PERP: variants seen among roughly 807,000 people sequenced by gnomAD.
PERP encodes p53 apoptosis effector related to PMP-22.
Under a neutral mutation model 20.3 loss-of-function variants are expected in PERP, and 11 were observed. That is an observed-to-expected ratio of 0.54 (90% CI 0.34 to 0.90). The LOEUF (loss-of-function observed/expected upper bound fraction) is 0.90, where lower values mean the gene tolerates loss of function less well. PERP is among the 40% of genes least tolerant of loss of function. PERP has a pLI of 0.02. For missense variants in PERP, 224 were observed against 249.4 expected (o/e 0.90, Z 0.69); for synonymous variants, 101 against 102.0 (o/e 0.99, Z 0.06).
Position 138,097,801 on chromosome 6 carries a change from T to G in PERP, c.215-1307A>C, listed in dbSNP as rs530192473. On this transcript the variant is annotated intron_variant, in intron 1 of 2. Coordinates refer to ENST00000421351, the MANE Select transcript of PERP (RefSeq NM_022121.5). ...CTTTTAAAGTGTATAATTCAGTGGT[T>G]TTTACTATATTCACAGTGTTGTACA... 2.6e-5 allele frequency among the ~76,000 whole-genome samples: 4 copies of G among 152,266 alleles called. No homozygotes were observed. The East Asian group carries it at 7.7e-4, about 29-fold the overall frequency.
chr6:138,103,094 G>A (rs138870001), intron 1 of PERP, among the ~76,000 whole-genome samples: 1,214 of 116,672 alleles, frequency 0.01, 20 homozygotes, highest in African/African-American at 0.037. Flanking sequence ...CCGAGACTCC[G>A]TCTCAAAAAA....
chr6:138,107,119 G>T lies in PERP; in HGVS notation c.214+8C>A. On this transcript the variant is annotated splice_region_variant and intron_variant, in intron 1 of 2. Transcript: ENST00000421351. The surrounding 1 kb of genome is among the most constrained non-coding windows in gnomAD (Gnocchi z 4.8). ...GAGGCGGCGACGGCGGCGGCGGCGG[G>T]CACTCACCGTACTCCATGAGGCTCT... 1 of 1,588,096 alleles carries T rather than the reference G, an allele frequency of 6.3e-7. No homozygotes were observed. Among genetic ancestry groups the T allele is most frequent in the African/African-American group, 1.4e-5 (1 of 74,044 alleles).
intron 1 of PERP, among the ~76,000 whole-genome samples, chr6:138,102,087 T>C (rs1775782754): frequency 1.3e-5 from 2 of 152,214 alleles, no homozygotes; most frequent in South Asian, 4.1e-4. Flanking sequence ...GGCAGTTAAA[T>C]GGCTCAACAG....
chr6:138,093,606 T>C (rs1418594345), intron 2 of PERP, among the ~76,000 whole-genome samples: 1 of 152,208 alleles, frequency 6.6e-6, no homozygotes, highest in Admixed American at 6.5e-5. Context: ...AAAGCAATGC[T>C]TTTCTATGTT....
At chr6:138,104,213 A>G (rs1490284231) in intron 1 of PERP, among the ~76,000 whole-genome samples, 1 of 152,230 alleles carries the variant, frequency 6.6e-6, no homozygotes, top group African/African-American at 2.4e-5. Flanking sequence ...TAAATTTCAC[A>G]TTTTATTTAT....
intron 1 of PERP, among the ~76,000 whole-genome samples, chr6:138,097,351 A>T (rs945601239): frequency 1.3e-5 from 2 of 152,220 alleles, no homozygotes; most frequent in Non-Finnish European, 2.9e-5. Context: ...ACCTGCCCTC[A>T]TTGCTAAAAC....
chr6:138,095,413 C>T (rs1775665545), intron 2 of PERP, among the ~76,000 whole-genome samples: 2 of 152,146 alleles, frequency 1.3e-5, no homozygotes. Context: ...AGGGAACCGG[C>T]GCAAAGTGGC....
chr6:138,100,720 G>C (rs1775758588), intron 1 of PERP, among the ~76,000 whole-genome samples: 1 of 152,150 alleles, frequency 6.6e-6, no homozygotes, highest in Non-Finnish European at 1.5e-5. Context: ...ATTTTCTTAA[G>C]GGAAGACCAA....
intron 1 of PERP, among the ~76,000 whole-genome samples, chr6:138,097,904 C>A (rs1431133001): frequency 6.6e-6 from 1 of 152,180 alleles, no homozygotes; most frequent in African/African-American, 2.4e-5. Context: ...CACCCTCCAT[C>A]CCCTCTTCCT....
intron 1 of PERP, among the ~76,000 whole-genome samples, chr6:138,102,900 C>T (rs1775794230): frequency 6.6e-6 from 1 of 151,840 alleles, no homozygotes; most frequent in Non-Finnish European, 1.5e-5. Context: ...GAGATCCAGA[C>T]CATCCTGGTT....
intron 1 of PERP, among the ~76,000 whole-genome samples, chr6:138,099,021 T>A (rs1407329828): frequency 6.6e-6 from 1 of 152,246 alleles, no homozygotes; most frequent in Non-Finnish European, 1.5e-5. Flanking sequence ...AGATAACTTT[T>A]AAGAGAAGAG....
intron 2 of PERP, among the ~76,000 whole-genome samples, chr6:138,095,988 A>T (rs1562323827): frequency 6.6e-6 from 1 of 152,162 alleles, no homozygotes; most frequent in Admixed American, 6.5e-5. Context: ...AGGTCCCCTC[A>T]GCAGGGGGCT....
chr6:138,102,935 T>G (rs181757768), intron 1 of PERP, among the ~76,000 whole-genome samples: 8 of 151,688 alleles, frequency 5.3e-5, no homozygotes, highest in African/African-American at 1.9e-4. Context: ...CCGTCTCTAC[T>G]AAAAATACAA....
Position 138,106,903 on chromosome 6 carries a change from C to CTTTTT in PERP, c.214+219_214+223dup, listed in dbSNP as rs577977770. On this transcript the variant is annotated intron_variant, in intron 1 of 2. Coordinates refer to ENST00000421351, the MANE Select transcript of PERP (RefSeq NM_022121.5). The stretch of plus-strand genomic sequence containing the variant: ...AAAACTATACAGTTTGAACTACGGC[C>CTTTTT]TTTTTTTTTTTTCTGTTTCTGAGCT... Among the ~76,000 whole-genome samples, 143 of 134,360 alleles carry CTTTTT rather than the reference C, an allele frequency of 1.1e-3. 4 individuals are homozygous for CTTTTT. Among genetic ancestry groups the CTTTTT allele is most frequent in the Middle Eastern group, 3.8e-3 (1 of 264 alleles). The allele number at this position is 134,360 out of a possible 152,430, so 88.1% of individuals were successfully genotyped here. A position where few individuals can be genotyped will look rare whatever the true frequency, so the allele number is the denominator to read the frequency against.
In PERP at chr6:138,091,991, T is replaced by C. The variant is rs566932687; in HGVS notation, c.*51A>G. The C allele has an allele frequency of 3.0e-5, 47 of 1,546,670 alleles. No individual in the cohort carries two copies. The African/African-American group carries it at 3.9e-4, about 13-fold the overall frequency. ...AGTCGCCTGGAGAAACAGTTTCTTCTTCTGGAGTCCATCTCAGCAGCAGCG... is the reference window on the plus strand; with the variant it reads ...AGTCGCCTGGAGAAACAGTTTCTTCCTCTGGAGTCCATCTCAGCAGCAGCG... On this transcript the variant is annotated 3_prime_UTR_variant, in exon 3 of 3. Coordinates refer to ENST00000421351, the MANE Select transcript of PERP (RefSeq NM_022121.5).
intron 1 of PERP, among the ~76,000 whole-genome samples, chr6:138,099,084 C>T (rs1245251696): frequency 6.6e-6 from 1 of 152,152 alleles, no homozygotes; most frequent in Non-Finnish European, 1.5e-5. Flanking sequence ...AAGTACAGCC[C>T]ATAGACCACA....
chr6:138,092,334 G>T, intron 2 of PERP, 66 bp from the exon 3 acceptor site: 2 of 1,327,856 alleles, frequency 1.5e-6, no homozygotes, highest in Non-Finnish European at 2.1e-6. Context: ...ATACACATTA[G>T]CGACAGATTA....
chr6:138,104,006 G>A (rs1466797408), intron 1 of PERP, among the ~76,000 whole-genome samples: 7 of 152,170 alleles, frequency 4.6e-5, no homozygotes, highest in Non-Finnish European at 1.0e-4. Flanking sequence ...GCAAATGCTC[G>A]TCAATCCTCA....
chr6:138,096,250 G>T, intron 2 of PERP, 104 bp downstream of exon 2: 1 of 1,397,502 alleles, frequency 7.2e-7, no homozygotes, highest in Non-Finnish European at 9.7e-7. Flanking sequence ...TCCGAGAACA[G>T]ATTAGAAACT....
Sources: allele counts gnomAD v4.1 joint callset (sites outside exome capture counted in the v4.1 genomes callset), GRCh38; gene constraint gnomAD v4.1.1; non-coding constraint Gnocchi (gnomAD v3.1); transcripts MANE v1.5; gene names NCBI Gene and HGNC (gene_info 2026-07-23, HGNC 2026-07-21).